Variants in NAALADL2 observed in about 807,000 individuals in gnomAD.
NAALADL2 encodes the protein N-acetylated alpha-linked acidic dipeptidase like 2.
A neutral mutation model predicts 87.2 loss-of-function variants in NAALADL2; 76 were observed. That is an observed-to-expected ratio of 0.87 (90% CI 0.72 to 1.05). The LOEUF is 1.05. Ranked by LOEUF, NAALADL2 falls within the 50% of genes least tolerant of loss-of-function variation. NAALADL2 has a pLI of 0.00. For missense variants in NAALADL2, 1,089 were observed against 945.8 expected, an observed-to-expected ratio of 1.15 and a Z score of -1.99; for synonymous variants, 354 against 331.0, an observed-to-expected ratio of 1.07 and a Z score of -0.75.
At chr3:174,667,544 A>AGTTTTT (rs1242558169) in intron 2 of NAALADL2, among the ~76,000 whole-genome samples, 12 of 42,430 alleles carry the variant, frequency 2.8e-4, no homozygotes, top group African/African-American at 8.7e-4. Context: ...GATGGGAGAG[A>AGTTTTT]GTTTTTTTTT....
chr3:175,119,651 G>T (rs1431004306), intron 2 of NAALADL2, among the ~76,000 whole-genome samples: 2 of 142,670 alleles, frequency 1.4e-5, no homozygotes, highest in African/African-American at 5.2e-5. Flanking sequence ...TTTTTAGTTT[G>T]TTTAACTTGA....
intron 5 of NAALADL2, among the ~76,000 whole-genome samples, chr3:175,394,889 A>G (rs1769561820): frequency 6.6e-6 from 1 of 152,188 alleles, no homozygotes. Flanking sequence ...AATTTGACAG[A>G]CAATTCATTC....
At chr3:174,497,184 A>G (rs1718599044) in intron 1 of NAALADL2, among the ~76,000 whole-genome samples, 2 of 152,104 alleles carry the variant, frequency 1.3e-5, no homozygotes, top group African/African-American at 4.8e-5. Context: ...CTACAGGGGT[A>G]TCATTCTTAT....
rs10591566 is a variant in NAALADL2 at position 175,463,701 on chromosome 3, G to GGAGAGAGAGAGAGAGA, written c.1327+228_1327+243dup. 1.0e-3 allele frequency among the ~76,000 whole-genome samples: 119 copies of GGAGAGAGAGAGAGAGA among 115,508 alleles called. 4 individuals are homozygous for GGAGAGAGAGAGAGAGA. Among genetic ancestry groups the GGAGAGAGAGAGAGAGA allele is most frequent in the African/African-American group, 4.1e-3 (103 of 25,368 alleles). The allele number at this position is 115,508 out of a possible 152,430, so 75.8% of individuals were successfully genotyped here. A position where few individuals can be genotyped will look rare whatever the true frequency, so the allele number is the denominator to read the frequency against. On this transcript the variant is annotated intron_variant, in intron 7 of 13. Coordinates refer to ENST00000454872, the MANE Select transcript of NAALADL2 (RefSeq NM_207015.3). The stretch of plus-strand genomic sequence containing the variant: ...TCTTCTAAAATAAATCTTAGTCGGG[G>GGAGAGAGAGAGAGAGA]GAGAGAGAGAGAGAGAGAGAGAGAG...
chr3:174,770,813 A>G (rs898722224), intron 3 of NAALADL2, among the ~76,000 whole-genome samples: 2 of 150,508 alleles, frequency 1.3e-5, no homozygotes, highest in Non-Finnish European at 3.0e-5. Context: ...CACTCCATGC[A>G]CTCCAGCCTG....
chr3:175,059,097 T>C (rs1712869249), intron 1 of NAALADL2, among the ~76,000 whole-genome samples: 1 of 152,156 alleles, frequency 6.6e-6, no homozygotes, highest in African/African-American at 2.4e-5. Context: ...AGTAAAATAA[T>C]GACACTTCGT....
At chr3:175,095,813 TG>T (rs1282002018) in intron 1 of NAALADL2, among the ~76,000 whole-genome samples, 1 of 152,144 alleles carries the variant, frequency 6.6e-6, no homozygotes, top group Admixed American at 6.6e-5. Flanking sequence ...AAGATCCAGC[TG>T]GGGTGACAAA....
intron 1 of NAALADL2, among the ~76,000 whole-genome samples, chr3:174,924,528 G>C (rs1735699552): frequency 6.6e-6 from 1 of 152,012 alleles, no homozygotes; most frequent in Admixed American, 6.6e-5. Context: ...ACATACATGT[G>C]CATGTGTCTT....
chr3:175,013,166 T>TAC (rs1560475369), intron 1 of NAALADL2, among the ~76,000 whole-genome samples: 11 of 111,656 alleles, frequency 9.9e-5, no homozygotes, highest in South Asian at 2.6e-4. Context: ...TATATAAATA[T>TAC]GTAATACATA....
In NAALADL2 at chr3:175,341,805, T is replaced by C. The variant is rs140700689; in HGVS notation, c.1090+17480T>C. On this transcript the variant is annotated intron_variant, in intron 5 of 13. Transcript: ENST00000454872. Reference sequence around the variant, plus strand: ...ATGTTTCCTTCTAAGAGTTTTGTAGTTTTAGCTCTCACATTTAGGTCATTT... The same window carrying C: ...ATGTTTCCTTCTAAGAGTTTTGTAGCTTTAGCTCTCACATTTAGGTCATTT... Among the ~76,000 whole-genome samples the C allele has an allele frequency of 2.2e-4, 34 of 152,234 alleles. 1 individual carries two copies. In the East Asian group the frequency reaches 6.0e-3, roughly 27 times the overall value.
Position 175,181,709 on chromosome 3 carries a change from G to GTGTT in NAALADL2, c.546-52219_546-52218insTTGT, listed in dbSNP as rs1553802440. 2.1e-4 allele frequency among the ~76,000 whole-genome samples: 11 copies of GTGTT among 53,058 alleles called. 1 individual carries two copies. The highest frequency in any genetic ancestry group is 9.4e-3 in the Middle Eastern group (1 of 106). 34.8% of individuals were successfully genotyped at this position (53,058 alleles called of 152,430 possible). ...TATATATATATATATATATATGTGT[G>GTGTT]TGTGTGTGTATATATATGTATATAT... On this transcript the variant is annotated intron_variant, in intron 2 of 13. Transcript: ENST00000454872.
intron 2 of NAALADL2, among the ~76,000 whole-genome samples, chr3:174,696,718 C>T (rs1729055446): frequency 6.6e-6 from 1 of 150,742 alleles, no homozygotes; most frequent in Non-Finnish European, 1.5e-5. Context: ...GCTTTAATTT[C>T]CTGAAAAATA....
intron 2 of NAALADL2, among the ~76,000 whole-genome samples, chr3:174,562,287 T>A (rs988985808): frequency 3.3e-5 from 5 of 152,180 alleles, no homozygotes; most frequent in Non-Finnish European, 7.4e-5. Flanking sequence ...ACAAGTTTGA[T>A]GCTTTGAGAT....
rs550241045 is a variant in NAALADL2 at position 174,521,563 on chromosome 3, C to A, written c.-183-29006C>A. ...CTCCAGCCTGGGCGACAGGGCTAGA[C>A]CCTGTCTCAAAAAAAAAAAAAAAAA... is the stretch of plus-strand genomic sequence containing the variant. On this transcript the variant is annotated intron_variant, in intron 1 of 3. Transcript: ENST00000434257. Among the ~76,000 whole-genome samples the A allele has an allele frequency of 5.7e-5, 6 of 105,890 alleles. No individual in the cohort carries two copies. In the Admixed American group the frequency reaches 8.1e-4, roughly 14 times the overall value. The allele number at this position is 105,890 out of a possible 152,430, so 69.5% of individuals were successfully genotyped here. A position where few individuals can be genotyped will look rare whatever the true frequency, so the allele number is the denominator to read the frequency against.
chr3:175,750,532 G>T (rs1746497375), intron 12 of NAALADL2, among the ~76,000 whole-genome samples: 1 of 152,222 alleles, frequency 6.6e-6, no homozygotes, highest in African/African-American at 2.4e-5. Context: ...ATTGGAGGGA[G>T]ATTTATCCTC....
chr3:174,756,983 C>T (rs954017946), intron 3 of NAALADL2, among the ~76,000 whole-genome samples: 1 of 152,018 alleles, frequency 6.6e-6, no homozygotes, highest in Admixed American at 6.6e-5. Context: ...CAAAACCTCA[C>T]ATTTTGGTGT....
At position 175,500,840 on chromosome 3, in the gene NAALADL2, C is replaced by T. The variant is rs550654950; in HGVS notation, c.1653+29082C>T. Among the ~76,000 whole-genome samples the T allele has an allele frequency of 4.6e-5, 7 of 152,200 alleles. No individual in the cohort carries two copies. In the East Asian group the frequency reaches 1.4e-3, roughly 29 times the overall value. On this transcript the variant is annotated intron_variant, in intron 9 of 13. Transcript: ENST00000454872. ...TGGTTCCAGAGTCTATTCTCATCAA[C>T]ACTACATTTTGCTATATGAAATAGT... is the stretch of plus-strand genomic sequence containing the variant.
chr3:174,995,621 G>T (rs1269335514), intron 1 of NAALADL2, among the ~76,000 whole-genome samples: 26 of 151,994 alleles, frequency 1.7e-4, no homozygotes, highest in Non-Finnish European at 5.9e-5. Flanking sequence ...ATGAGTAACG[G>T]AATTGTTCAT....
intron 5 of NAALADL2, among the ~76,000 whole-genome samples, chr3:175,405,395 C>T (rs1712136218): frequency 6.6e-6 from 1 of 151,926 alleles, no homozygotes; most frequent in Admixed American, 6.6e-5. Flanking sequence ...GGATATGTAA[C>T]AATAATTTAA....
Sources: gnomAD v4.1 joint callset for allele counts (sites outside exome capture counted in the v4.1 genomes callset) on GRCh38, gnomAD v4.1.1 for gene constraint, MANE v1.5 for transcripts, NCBI Gene and HGNC (gene_info 2026-07-23, HGNC 2026-07-21) for gene names.